The following SLC35F3 variants were observed in gnomAD, a reference collection of about 807,000 sequenced individuals.
SLC35F3 encodes the protein putative thiamine transporter SLC35F3.
SLC35F3 carries 25 observed loss-of-function variants against 49.9 expected under a neutral mutation model. That is an observed-to-expected ratio of 0.50 (90% CI 0.37 to 0.70). The LOEUF is 0.70. Ranked by LOEUF, SLC35F3 falls within the 30% of genes least tolerant of loss-of-function variation. The pLI is 0.00. For synonymous variants in SLC35F3, 275 were observed against 265.4 expected (o/e 1.04, Z -0.35); for missense variants, 525 against 639.8 (o/e 0.82, Z 1.94).
At chr1:234,026,695 C>T (rs1035272639) in intron 2 of SLC35F3, among the ~76,000 whole-genome samples, 11 of 150,926 alleles carry the variant, frequency 7.3e-5, no homozygotes, top group Non-Finnish European at 7.4e-5. Context: ...CCAGCCTGGG[C>T]GACAGAGCAA....
intron 2 of SLC35F3, among the ~76,000 whole-genome samples, chr1:234,072,587 G>A (rs1036419186): frequency 6.6e-6 from 1 of 152,182 alleles, no homozygotes; most frequent in African/African-American, 2.4e-5. Context: ...TGCGGTGACC[G>A]GGGAAGTATC....
chr1:234,105,020 C>T (rs566776328), intron 2 of SLC35F3, among the ~76,000 whole-genome samples: 12 of 151,594 alleles, frequency 7.9e-5, no homozygotes, highest in South Asian at 2.1e-4. Flanking sequence ...CCCAGCTACT[C>T]TGGAGGCTGA....
intron 2 of SLC35F3, among the ~76,000 whole-genome samples, chr1:233,995,349 A>G (rs1174081112): frequency 4.6e-5 from 7 of 152,202 alleles, no homozygotes; most frequent in Admixed American, 4.6e-4. Context: ...AGGAGATGGC[A>G]GGAGAGTCAG....
intron 2 of SLC35F3, among the ~76,000 whole-genome samples, chr1:234,056,680 A>G (rs1664461254): frequency 6.6e-6 from 1 of 152,160 alleles, no homozygotes; most frequent in African/African-American, 2.4e-5. Context: ...CATCCAATTC[A>G]TCTATTTTTT....
intron 3 of SLC35F3, among the ~76,000 whole-genome samples, chr1:234,265,765 C>T (rs1667969421): frequency 6.6e-6 from 1 of 152,192 alleles, no homozygotes; most frequent in Non-Finnish European, 1.5e-5. Context: ...GCCCCCACCA[C>T]ATCACTCAAA....
intron 2 of SLC35F3, among the ~76,000 whole-genome samples, chr1:234,207,751 T>C (rs553514206): frequency 6.6e-6 from 1 of 152,272 alleles, no homozygotes; most frequent in East Asian, 1.9e-4. Context: ...CCTATAATCC[T>C]AGTGCTTTGA....
chr1:234,084,289 T>G (rs1289949521), intron 2 of SLC35F3, among the ~76,000 whole-genome samples: 1 of 151,920 alleles, frequency 6.6e-6, no homozygotes, highest in Non-Finnish European at 1.5e-5. Context: ...TATTTACAAA[T>G]AGTTTTTATC....
At position 233,936,376 on chromosome 1, in the gene SLC35F3, T is replaced by C. The variant is rs1662327727; in HGVS notation, c.283+30618T>C. Among the ~76,000 whole-genome samples, 4 of 152,232 alleles carry C rather than the reference T, an allele frequency of 2.6e-5. No individual in the cohort carries two copies. In the South Asian group the frequency reaches 8.3e-4, roughly 32 times the overall value. The stretch of plus-strand genomic sequence containing the variant: ...AGTTTTTCTAGGATACTATCCTGTC[T>C]GTATCATAATATCGTCTCTCTGTTT... On this transcript the variant is annotated intron_variant, in intron 2 of 7. Transcript: ENST00000366618.
intron 2 of SLC35F3, among the ~76,000 whole-genome samples, chr1:233,929,130 T>TAC (rs10632102): frequency 0.47 from 71,095 of 151,684 alleles, 16,912 homozygotes; most frequent in Admixed American, 0.62. Context: ...TCTGCAAATA[T>TAC]AGTGAGGAGT....
intron 2 of SLC35F3, among the ~76,000 whole-genome samples, chr1:234,116,180 T>C (rs755323888): frequency 2.9e-4 from 44 of 152,312 alleles, no homozygotes; most frequent in Non-Finnish European, 3.5e-4. Flanking sequence ...TGTGGAGACA[T>C]CTGGCCTCGG....
chr1:234,204,080 G>A (rs60648491), intron 2 of SLC35F3, among the ~76,000 whole-genome samples: 66,717 of 151,842 alleles, frequency 0.44, 17,959 homozygotes, highest in Non-Finnish European at 0.61. Flanking sequence ...AATCTTTTGT[G>A]TAAATACACC....
At chr1:234,035,008 T>A (rs1468528025) in intron 2 of SLC35F3, among the ~76,000 whole-genome samples, 2 of 152,226 alleles carry the variant, frequency 1.3e-5, no homozygotes, top group African/African-American at 4.8e-5. Flanking sequence ...TCCAACAAAT[T>A]TGTCTTCGTA....
Position 234,306,245 on chromosome 1 carries a change from C to T in SLC35F3, c.609-2856C>T, listed in dbSNP as rs1657175115. Among the ~76,000 whole-genome samples, 3 of 152,178 alleles carry T rather than the reference C, an allele frequency of 2.0e-5. No individual in the cohort carries two copies. In the South Asian group the frequency reaches 6.2e-4, roughly 32 times the overall value. ...GTGCAATCTCAGCTCACTGCAACCT[C>T]CGCCTCCCGGGTTCAAGTGATTCTC... On this transcript the variant is annotated intron_variant, in intron 3 of 7. Coordinates refer to ENST00000366618, the MANE Select transcript of SLC35F3 (RefSeq NM_173508.4).
chr1:234,096,350 A>G (rs967638927), intron 2 of SLC35F3, among the ~76,000 whole-genome samples: 3 of 152,208 alleles, frequency 2.0e-5, no homozygotes, highest in African/African-American at 7.2e-5. Flanking sequence ...AGGAAGGATC[A>G]GTTGTAAAGC....
At chr1:234,130,140 C>G (rs1442139805) in intron 2 of SLC35F3, among the ~76,000 whole-genome samples, 3 of 152,174 alleles carry the variant, frequency 2.0e-5, no homozygotes, top group African/African-American at 4.8e-5. Context: ...ACCCAGAACA[C>G]ATAATTAATT....
At chr1:234,021,359 T>C (rs1172195848) in intron 2 of SLC35F3, among the ~76,000 whole-genome samples, 1 of 152,202 alleles carries the variant, frequency 6.6e-6, no homozygotes. Context: ...TGCTCCCTCA[T>C]CATCAGAAAC....
Position 233,957,666 on chromosome 1 carries a change from T to C in SLC35F3, c.283+51908T>C, listed in dbSNP as rs768588144. Among the ~76,000 whole-genome samples, 4 of 151,776 alleles carry C rather than the reference T, an allele frequency of 2.6e-5. No individual in the cohort carries two copies. The highest frequency in any genetic ancestry group is 5.9e-5 in the Non-Finnish European group (4 of 67,942). On this transcript the variant is annotated intron_variant, in intron 2 of 7. Coordinates refer to ENST00000366618, the MANE Select transcript of SLC35F3 (RefSeq NM_173508.4). This position sits in a 1 kb window ranked among gnomAD's most constrained non-coding sequence, Gnocchi z 4.0. ...CTCGTCTCTAATTAAAGTACAAAAA[T>C]TAGTTAGGCATGGTGGTGGGTGCCT...
chr1:233,968,101 G>T (rs1280222511), intron 2 of SLC35F3, among the ~76,000 whole-genome samples: 1 of 152,182 alleles, frequency 6.6e-6, no homozygotes, highest in African/African-American at 2.4e-5. Flanking sequence ...GGGAGAATCT[G>T]TCGCATGCCT....
At chr1:233,942,682 G>A (rs886295591) in intron 2 of SLC35F3, among the ~76,000 whole-genome samples, 3 of 152,168 alleles carry the variant, frequency 2.0e-5, no homozygotes, top group African/African-American at 7.2e-5. Flanking sequence ...CAAAGTGTTA[G>A]GACTACAGAC....
Sources: allele counts gnomAD v4.1 joint callset (sites outside exome capture counted in the v4.1 genomes callset), GRCh38; gene constraint gnomAD v4.1.1; non-coding constraint Gnocchi (gnomAD v3.1); transcripts MANE v1.5; gene names NCBI Gene and HGNC (gene_info 2026-07-23, HGNC 2026-07-21).